The following AP1G1 variants were observed in gnomAD, a reference collection of about 807,000 sequenced individuals.
AP1G1 encodes adaptor related protein complex 1 subunit gamma 1.
AP1G1 carries 7 observed loss-of-function variants against 108.3 expected under a neutral mutation model. The observed-to-expected ratio is 0.06, with a 90% CI of 0.04 to 0.12. The LOEUF (loss-of-function observed/expected upper bound fraction) is 0.12. AP1G1 is among the 10% of genes least tolerant of loss of function. The pLI is 1.00. For missense variants in AP1G1, 756 were observed against 1,010.7 expected (o/e 0.75, Z 3.42); for synonymous variants, 379 against 353.5 (o/e 1.07, Z -0.81).
intron 7 of AP1G1, 120 bp from the exon 8 acceptor site, chr16:71,764,846 T>C (rs1387708734): frequency 3.1e-6 from 2 of 636,418 alleles, no homozygotes; most frequent in South Asian, 2.2e-5. Flanking sequence ...CATTTATTCA[T>C]ATCAGAAATA....
In AP1G1 at chr16:71,745,127, G is replaced by C. The variant is rs1313894930; in HGVS notation, c.1999+17C>G. The C allele has an allele frequency of 6.2e-7, 1 of 1,613,718 alleles. No individual in the cohort carries two copies. The highest frequency in any genetic ancestry group is 1.7e-5 in the Admixed American group (1 of 59,956). On this transcript the variant is annotated intron_variant, in intron 19 of 22. Transcript: ENST00000299980. ...TCTATCTTTTCCCAGGTATTAAATA[G>C]CTCCAGACTGCCTCACCTGTAAGGT...
chr16:71,767,884 T>G, intron 6 of AP1G1: 1 of 1,599,328 alleles, frequency 6.3e-7, no homozygotes, highest in South Asian at 1.1e-5. Context: ...TACCTTTTCA[T>G]TCTAACATAC....
rs140773129 is a variant in AP1G1 at position 71,738,207 on chromosome 16, C to T, written c.2268+735G>A. Reference sequence around the variant, plus strand: ...CTGGGATTAGAGGAACCTGCCATCACGCCCGGCTAATTTTTTTTTTTTTTT... The same window carrying T: ...CTGGGATTAGAGGAACCTGCCATCATGCCCGGCTAATTTTTTTTTTTTTTT... On this transcript the variant is annotated intron_variant, in intron 21 of 22. Coordinates refer to ENST00000299980, the MANE Select transcript of AP1G1 (RefSeq NM_001128.6). Among the ~76,000 whole-genome samples the T allele has an allele frequency of 2.4e-3, 355 of 150,524 alleles. 1 individual carries two copies. Among genetic ancestry groups the T allele is most frequent in the Non-Finnish European group, 4.3e-3 (291 of 67,742 alleles).
chr16:71,731,023 A>C lies in AP1G1; in HGVS notation c.*2035T>G, dbSNP rs1168044791. ...AAGCCTCTACACAAAGAGGAATGTT[A>C]AGACAAATTCTATTCAAGAAATCCA... On this transcript the variant is annotated 3_prime_UTR_variant, in exon 23 of 23. Transcript: ENST00000299980. The C allele has an allele frequency of 2.0e-5, 3 of 152,562 alleles. No homozygotes were observed. The highest frequency in any genetic ancestry group is 7.2e-5 in the African/African-American group (3 of 41,474). 9.5% of individuals were successfully genotyped at this position (152,562 alleles called of 1,614,324 possible).
intron 19 of AP1G1, chr16:71,743,356 C>T (rs938486830): frequency 6.6e-6 from 1 of 152,068 alleles, no homozygotes; most frequent in African/African-American, 2.4e-5. Flanking sequence ...ACTTGTTATC[C>T]TATGTCTATT....
At chr16:71,805,680 A>T (rs1055628036) in intron 1 of AP1G1, among the ~76,000 whole-genome samples, 2 of 152,142 alleles carry the variant, frequency 1.3e-5, no homozygotes, top group South Asian at 2.1e-4. Context: ...TGCCAATTCA[A>T]TTTTTTTAAT....
At position 71,750,280 on chromosome 16, in the gene AP1G1, G is replaced by C; in HGVS notation, c.1337C>G (p.Thr446Ser). 6.2e-7 allele frequency: 1 copy of C among 1,614,014 alleles called. No homozygotes were observed. The highest frequency in any genetic ancestry group is 8.5e-7 in the Non-Finnish European group (1 of 1,179,936). Reference sequence around the variant, plus strand: ...ATAGGCATGCATCTCCACACTATTAGTTATTAACTGGATTAAATTGGGGAC... The same window carrying C: ...ATAGGCATGCATCTCCACACTATTACTTATTAACTGGATTAAATTGGGGAC... ...DAVPNLIQLI[T>S]NSVEMHAYTV... Residue 446 changes from threonine (T) to serine (S), a missense_variant, in exon 14 of 23, where the codon ACT becomes AGT. By Grantham distance (58) the Thr-to-Ser change is moderately conservative (BLOSUM62 1). This residue lies in a region of AP1G1 where 357 missense variants were observed against 366.5 expected (regional missense o/e 0.97). Coordinates refer to ENST00000299980, the MANE Select transcript of AP1G1 (RefSeq NM_001128.6).
In AP1G1 at chr16:71,782,488, A is replaced by T. The variant is rs113002077; in HGVS notation, c.201+6791T>A. ...TACAATTATTATTATTATTATTATTATTTTTATTATTATTTTGAGATGGAG... is the reference window on the plus strand; with the variant it reads ...TACAATTATTATTATTATTATTATTTTTTTTATTATTATTTTGAGATGGAG... On this transcript the variant is annotated intron_variant, in intron 2 of 22. Transcript: ENST00000299980. Among the ~76,000 whole-genome samples, 491 of 149,512 alleles carry T rather than the reference A, an allele frequency of 3.3e-3. 4 individuals carry two copies. Among genetic ancestry groups the T allele is most frequent in the African/African-American group, 0.011 (462 of 40,448 alleles).
At chr16:71,791,137 C>T (rs1210521394) in intron 1 of AP1G1, among the ~76,000 whole-genome samples, 4 of 151,538 alleles carry the variant, frequency 2.6e-5, no homozygotes, top group Non-Finnish European at 5.9e-5. Flanking sequence ...AGGAGGATTG[C>T]TTGAGCCTGG....
At chr16:71,753,015 T>C (rs1481628031) in intron 13 of AP1G1, among the ~76,000 whole-genome samples, 2 of 152,320 alleles carry the variant, frequency 1.3e-5, no homozygotes, top group East Asian at 3.9e-4. Flanking sequence ...TCCCCAGTTG[T>C]TAATTTGCCT....
intron 5 of AP1G1, 109 bp downstream of exon 5, chr16:71,771,047 C>G: frequency 1.7e-6 from 1 of 601,538 alleles, no homozygotes; most frequent in Admixed American, 3.4e-5. Flanking sequence ...TAAGGCACAG[C>G]AGAAACGCGA....
intron 21 of AP1G1, among the ~76,000 whole-genome samples, chr16:71,736,117 A>AATATATATAT (rs1306238313): frequency 7.0e-5 from 5 of 71,632 alleles, no homozygotes; most frequent in African/African-American, 3.1e-4. Context: ...AAAAAAAAAA[A>AATATATATAT]ATATATATAT....
At chr16:71,765,901 C>T (rs905956121) in intron 6 of AP1G1, among the ~76,000 whole-genome samples, 3 of 152,132 alleles carry the variant, frequency 2.0e-5, no homozygotes, top group African/African-American at 4.8e-5. Context: ...TGGGGCATAC[C>T]GCATTTCTAG....
At chr16:71,794,835 C>CTTTTCTCTTTTT (rs2032522793) in intron 1 of AP1G1, among the ~76,000 whole-genome samples, 1 of 39,634 alleles carries the variant, frequency 2.5e-5, no homozygotes, top group African/African-American at 1.0e-4. Flanking sequence ...ATGAGAAGTG[C>CTTTTCTCTTTTT]TTTTTTTTTT....
chr16:71,750,300 G>C lies in AP1G1; in HGVS notation c.1317C>G (p.Pro439=), dbSNP rs1363169473. 4 of 1,614,008 alleles carry C rather than the reference G, an allele frequency of 2.5e-6. No individual in the cohort carries two copies. The highest frequency in any genetic ancestry group is 3.4e-6 in the Non-Finnish European group (4 of 1,179,970). The change falls in exon 14 of 23, where the codon CCC becomes CCG. Residue 439 remains proline, a synonymous_variant. Transcript: ENST00000299980. ...AGSYVRDDAV[P]NLIQLITNSV... is the part of the protein sequence containing the mutation. ...TATTAGTTATTAACTGGATTAAATT[G>C]GGGACTGCATCATCACGAACATAAC... is the stretch of plus-strand genomic sequence containing the variant.
At position 71,739,115 on chromosome 16, in the gene AP1G1, A is replaced by G; in HGVS notation, c.2108-13T>C. ...ATGGAGGGGATGCCTGAGAAAGTAC[A>G]GGAAGATAAGTCTTATTGTAGTCAG... On this transcript the variant is annotated splice_polypyrimidine_tract_variant and intron_variant, in intron 20 of 22. Coordinates refer to ENST00000299980, the MANE Select transcript of AP1G1 (RefSeq NM_001128.6). The G allele has an allele frequency of 6.2e-7, 1 of 1,614,070 alleles. No homozygotes were observed. The highest frequency in any genetic ancestry group is 8.5e-7 in the Non-Finnish European group (1 of 1,179,942).
At chr16:71,768,638 G>A (rs1003668220) in intron 6 of AP1G1, among the ~76,000 whole-genome samples, 10 of 151,524 alleles carry the variant, frequency 6.6e-5, no homozygotes, top group Non-Finnish European at 1.5e-4. Context: ...GAAAAGAGCT[G>A]GGCGCGGTGG....
intron 19 of AP1G1, among the ~76,000 whole-genome samples, chr16:71,741,435 T>C (rs922475778): frequency 3.9e-5 from 6 of 151,942 alleles, no homozygotes; most frequent in Admixed American, 2.6e-4. Context: ...ATACAAAAAT[T>C]AGCCGGGTGT....
At chr16:71,749,517 A>G (rs181470096) in intron 15 of AP1G1, among the ~76,000 whole-genome samples, 7 of 152,020 alleles carry the variant, frequency 4.6e-5, no homozygotes, top group African/African-American at 7.2e-5. Context: ...CAATGGCTCA[A>G]TAAGTTCCAT....
Sources: allele counts gnomAD v4.1 joint callset (sites outside exome capture counted in the v4.1 genomes callset), GRCh38; gene constraint gnomAD v4.1.1; regional missense constraint gnomAD v4.1.1; transcripts MANE v1.5; gene names NCBI Gene and HGNC (gene_info 2026-07-23, HGNC 2026-07-21).